KDM2B: variants seen among roughly 807,000 people sequenced by gnomAD.
KDM2B encodes lysine demethylase 2B.
A neutral mutation model predicts 150.0 loss-of-function variants in KDM2B; 26 were observed. The ratio of observed to expected loss-of-function variants is 0.17; its 90% CI spans 0.13 to 0.24. The LOEUF is 0.24. Ranked by LOEUF, KDM2B falls within the 10% of genes least tolerant of loss-of-function variation. The probability of loss-of-function intolerance (pLI) is 1.00; values close to 1 mark genes in which losing one functional copy is unlikely to be tolerated. For synonymous variants in KDM2B, 734 were observed against 729.5 expected (o/e 1.01, Z -0.10); for missense variants, 1,265 against 1,816.9 (o/e 0.70, Z 5.52).
chr12:121,494,761 CACAA>C, intron 11 of KDM2B, 96 bp from the exon 12 acceptor site: 1 of 910,338 alleles, frequency 1.1e-6, no homozygotes, highest in Non-Finnish European at 1.6e-6. Context: ...GATCACACTC[CACAA>C]AGTCAGCGCC....
At chr12:121,436,372 T>G (rs1873976446) in intron 22 of KDM2B, among the ~76,000 whole-genome samples, 2 of 151,786 alleles carry the variant, frequency 1.3e-5, no homozygotes, top group South Asian at 4.2e-4. Flanking sequence ...ATACAAAAAA[T>G]TAGCTGGGCG....
intron 10 of KDM2B, among the ~76,000 whole-genome samples, chr12:121,511,281 A>ATTT (rs35590443): frequency 2.8e-4 from 31 of 110,418 alleles, no homozygotes; most frequent in African/African-American, 7.4e-4. Context: ...AATGCTAGGA[A>ATTT]TTTTTTTTTT....
In KDM2B at chr12:121,443,636, C is replaced by T. The variant is rs782101942; in HGVS notation, c.2565+44G>A. 20 of 1,210,880 alleles carry T rather than the reference C, an allele frequency of 1.7e-5. No individual in the cohort carries two copies. In the South Asian group the frequency reaches 2.0e-4, roughly 12 times the overall value. 75.0% of individuals were successfully genotyped at this position (1,210,880 alleles called of 1,614,324 possible). ...GTGGGGTGGGGGACAGCCCAGGACTCGCCAGTCCCCGGGGCCTCAGGAGGG... is the reference window on the plus strand; with the variant it reads ...GTGGGGTGGGGGACAGCCCAGGACTTGCCAGTCCCCGGGGCCTCAGGAGGG... On this transcript the variant is annotated intron_variant, in intron 17 of 22. Coordinates refer to ENST00000377071, the MANE Select transcript of KDM2B (RefSeq NM_032590.5).
At chr12:121,516,545 C>T (rs1886211925) in intron 9 of KDM2B, 12 of 1,442,252 alleles carry the variant, frequency 8.3e-6, no homozygotes, top group Non-Finnish European at 1.1e-5. Flanking sequence ...CATACGGTTG[C>T]TCAACATTAT....
intron 22 of KDM2B, among the ~76,000 whole-genome samples, chr12:121,437,367 A>AT (rs1874182564): frequency 6.6e-6 from 1 of 152,190 alleles, no homozygotes; most frequent in Non-Finnish European, 1.5e-5. Flanking sequence ...CATGGTCATA[A>AT]TAAGTGAAAG....
intron 22 of KDM2B, among the ~76,000 whole-genome samples, chr12:121,432,088 G>A (rs1389781159): frequency 6.6e-6 from 1 of 151,704 alleles, no homozygotes; most frequent in East Asian, 1.9e-4. Flanking sequence ...CACCATGTTA[G>A]CCAGGCTGGT....
rs201930981 is a variant in KDM2B, at chr12:121,443,800, G to A, written c.2452-7C>T. 1.3e-6 allele frequency: 2 copies of A among 1,548,560 alleles called. No individual in the cohort carries two copies. Among genetic ancestry groups the A allele is most frequent in the African/African-American group, 1.4e-5 (1 of 73,924 alleles). ...ACGTTTGAAGCGATGAGGCCTAAAG[G>A]GGGGTGGAGTGGGAAGAGGAGTGAC... On this transcript the variant is annotated splice_region_variant and splice_polypyrimidine_tract_variant and intron_variant, in intron 16 of 22. Coordinates refer to ENST00000377071, the MANE Select transcript of KDM2B (RefSeq NM_032590.5).
At chr12:121,423,611 A>T in the KDM2B span, 1 of 1,577,390 alleles carries the variant, frequency 6.3e-7, no homozygotes, top group Non-Finnish European at 8.7e-7. This position sits in a 1 kb window ranked among gnomAD's most constrained non-coding sequence, Gnocchi z 4.3. Flanking sequence ...TCACCCCCAA[A>T]CTTGACCCCC....
At chr12:121,479,768 C>G (rs964818628) in intron 12 of KDM2B, among the ~76,000 whole-genome samples, 2 of 151,102 alleles carry the variant, frequency 1.3e-5, no homozygotes, top group South Asian at 4.2e-4. Context: ...ATTACAGGCA[C>G]GTGCCACCAC....
chr12:121,535,725 C>A (rs953472104), intron 6 of KDM2B, among the ~76,000 whole-genome samples: 4 of 152,200 alleles, frequency 2.6e-5, no homozygotes, highest in African/African-American at 9.6e-5. Flanking sequence ...CAGCAGCCAT[C>A]CCCTTCTCAG....
intron 8 of KDM2B, chr12:121,524,677 C>G (rs1435738888): frequency 2.2e-6 from 1 of 454,292 alleles, no homozygotes; most frequent in Non-Finnish European, 4.4e-6. Flanking sequence ...CATCCATACC[C>G]CTCCTCCGAT....
At chr12:121,516,412 A>AT (rs142754968) in intron 9 of KDM2B, 1,007 of 1,005,044 alleles carry the variant, frequency 1.0e-3, no homozygotes, top group African/African-American at 1.4e-3. Context: ...TTATTTATTT[A>AT]TTTTTTTTTC....
chr12:121,417,978 C>T, the KDM2B span: 4 of 1,485,370 alleles, frequency 2.7e-6, no homozygotes, highest in Non-Finnish European at 3.7e-6. This position sits in a 1 kb window ranked among gnomAD's most constrained non-coding sequence, Gnocchi z 5.0. Flanking sequence ...ATGGTGGGGC[C>T]TTTAGTGCTT....
intron 22 of KDM2B, among the ~76,000 whole-genome samples, chr12:121,438,818 A>G (rs1344422438): frequency 6.6e-6 from 1 of 151,660 alleles, no homozygotes; most frequent in Non-Finnish European, 1.5e-5. Context: ...AGTACTTGGT[A>G]ATTTCTAAGG....
chr12:121,470,708 G>C (rs1880684501), intron 12 of KDM2B, among the ~76,000 whole-genome samples: 1 of 136,602 alleles, frequency 7.3e-6, no homozygotes, highest in Non-Finnish European at 1.6e-5. Context: ...CCGCTCCAAT[G>C]CTTCATGCCA....
chr12:121,492,920 G>A (rs966401148), intron 12 of KDM2B, among the ~76,000 whole-genome samples: 7 of 151,954 alleles, frequency 4.6e-5, no homozygotes, highest in Admixed American at 3.3e-4. Flanking sequence ...TTTTGAGACA[G>A]GGTCTCAATC....
At chr12:121,498,001 T>C (rs1156777562) in intron 11 of KDM2B, among the ~76,000 whole-genome samples, 2 of 151,758 alleles carry the variant, frequency 1.3e-5, no homozygotes, top group African/African-American at 4.8e-5. Flanking sequence ...GAAGCTGAGG[T>C]AGGAGGATCA....
At chr12:121,550,523 C>T (rs1555311639) in intron 4 of KDM2B, among the ~76,000 whole-genome samples, 2 of 152,150 alleles carry the variant, frequency 1.3e-5, no homozygotes, top group Non-Finnish European at 2.9e-5. Context: ...TTCCTTTTTA[C>T]TCTGTTGCCC....
the KDM2B span, chr12:121,417,481 A>G: frequency 2.5e-6 from 4 of 1,594,920 alleles, no homozygotes; most frequent in East Asian, 2.2e-5. The surrounding 1 kb of genome is among the most constrained non-coding windows in gnomAD (Gnocchi z 5.0). Flanking sequence ...TCTTGCTGTC[A>G]TCAAATGCTT....
Sources: allele counts gnomAD v4.1 joint callset (sites outside exome capture counted in the v4.1 genomes callset), GRCh38; gene constraint gnomAD v4.1.1; non-coding constraint Gnocchi (gnomAD v3.1); transcripts MANE v1.5; gene names NCBI Gene and HGNC (gene_info 2026-07-23, HGNC 2026-07-21).